HNRNPC: variants seen among roughly 807,000 people sequenced by gnomAD.
HNRNPC encodes the protein heterogeneous nuclear ribonucleoprotein C, also known as heterogeneous nuclear ribonucleoproteins C1/C2.
A neutral mutation model predicts 33.2 loss-of-function variants in HNRNPC; 3 were observed. The ratio of observed to expected loss-of-function variants is 0.09; its 90% confidence interval spans 0.04 to 0.23. The LOEUF is 0.23. HNRNPC is among the 10% of genes least tolerant of loss of function. HNRNPC has a pLI of 1.00. For missense variants in HNRNPC, 143 were observed against 366.7 expected (o/e 0.39, Z 4.98); for synonymous variants, 121 against 126.7 (o/e 0.96, Z 0.30).
chr14:21,246,137 T>C (rs1304085141), intron 2 of HNRNPC, among the ~76,000 whole-genome samples: 1 of 152,018 alleles, frequency 6.6e-6, no homozygotes, highest in Non-Finnish European at 1.5e-5. Context: ...TCCATTATAA[T>C]CTTAAGGGGC....
intron 1 of HNRNPC, among the ~76,000 whole-genome samples, 194 bp downstream of exon 1, chr14:21,269,104 G>A (rs903239166): frequency 4.6e-5 from 7 of 152,008 alleles, no homozygotes; most frequent in African/African-American, 1.2e-4. Context: ...GTGGCCTAGA[G>A]GACACCAGGT....
chr14:21,236,428 A>C (rs897572979), intron 2 of HNRNPC: 14 of 152,214 alleles, frequency 9.2e-5, no homozygotes, highest in African/African-American at 2.9e-4. Context: ...TACTCACAAT[A>C]CGGATTAATT....
intron 2 of HNRNPC, among the ~76,000 whole-genome samples, chr14:21,260,221 G>T (rs1877977216): frequency 6.8e-6 from 1 of 146,210 alleles, no homozygotes; most frequent in Non-Finnish European, 1.5e-5. Context: ...AAAAAAATTA[G>T]CCGGGCATAG....
intron 5 of HNRNPC, among the ~76,000 whole-genome samples, chr14:21,223,098 C>G (rs984110506): frequency 6.6e-6 from 1 of 151,984 alleles, no homozygotes; most frequent in Non-Finnish European, 1.5e-5. Context: ...CCCAGCTACT[C>G]CGGAAGCTGA....
chr14:21,215,898 TA>T (rs3064165), intron 5 of HNRNPC, among the ~76,000 whole-genome samples: 312 of 98,506 alleles, frequency 3.2e-3, no homozygotes, highest in African/African-American at 6.2e-3. Flanking sequence ...GACTCCGTCT[TA>T]AAAAAAAAAA....
intron 5 of HNRNPC, among the ~76,000 whole-genome samples, chr14:21,227,741 AT>A (rs1893639422): frequency 6.6e-6 from 1 of 152,164 alleles, no homozygotes; most frequent in Non-Finnish European, 1.5e-5. Context: ...CCCATTCACA[AT>A]GTGCCTTGCC....
At chr14:21,263,027 G>A (rs1243873348) in intron 2 of HNRNPC, 1 of 152,014 alleles carries the variant, frequency 6.6e-6, no homozygotes, top group Non-Finnish European at 1.5e-5. Flanking sequence ...GGTTGGGAGA[G>A]AAAAGGTTTA....
chr14:21,239,982 G>A (rs1407499409), intron 2 of HNRNPC, among the ~76,000 whole-genome samples: 1 of 152,142 alleles, frequency 6.6e-6, no homozygotes, highest in East Asian at 1.9e-4. Context: ...TTTCATTACA[G>A]GTTCTTATTC....
chr14:21,250,815 G>A (rs1896564154), intron 2 of HNRNPC, among the ~76,000 whole-genome samples: 1 of 152,198 alleles, frequency 6.6e-6, no homozygotes, highest in Admixed American at 6.5e-5. Context: ...AAAAAGGAGT[G>A]AAAAGTGTTC....
chr14:21,265,752 T>A (rs1005128281), intron 1 of HNRNPC, among the ~76,000 whole-genome samples: 3 of 152,196 alleles, frequency 2.0e-5, no homozygotes, highest in Non-Finnish European at 4.4e-5. Flanking sequence ...CACTCTAATC[T>A]GGGTGACAGT....
Position 21,248,819 on chromosome 14 carries a change from T to TAA in HNRNPC, c.-37+14490_-37+14491dup, listed in dbSNP as rs1380514191. 3.9e-5 allele frequency among the ~76,000 whole-genome samples: 6 copies of TAA among 152,346 alleles called. No homozygotes were observed. The East Asian group carries it at 1.2e-3, about 29-fold the overall frequency. Reference sequence around the variant, plus strand: ...AACGGGATCATTACATCAAAAGTTTTAAAACTGCGTGTTTTTTGACTCAGT... The same window carrying TAA: ...AACGGGATCATTACATCAAAAGTTTTAAAAAACTGCGTGTTTTTTGACTCAGT... On this transcript the variant is annotated intron_variant, in intron 2 of 8. Coordinates refer to ENST00000553300, the MANE Select transcript of HNRNPC (RefSeq NM_004500.4).
chr14:21,249,418 TACA>T (rs1896360373), intron 2 of HNRNPC, among the ~76,000 whole-genome samples: 2 of 91,012 alleles, frequency 2.2e-5, no homozygotes, highest in African/African-American at 9.5e-5. Flanking sequence ...CTACTAAAAA[TACA>T]AAAAAAAAAA....
chr14:21,230,927 C>T (rs887795857), intron 4 of HNRNPC, 70 bp downstream of exon 4: 4 of 1,559,028 alleles, frequency 2.6e-6, no homozygotes, highest in Non-Finnish European at 3.5e-6. Context: ...CTGATGGACA[C>T]AATGCAGTTA....
intron 5 of HNRNPC, among the ~76,000 whole-genome samples, chr14:21,225,952 AT>A (rs1893371898): frequency 6.6e-6 from 1 of 152,154 alleles, no homozygotes; most frequent in South Asian, 2.1e-4. Context: ...ACACTGCAGT[AT>A]TTGTGGCACA....
At chr14:21,239,109 A>G (rs1895055708) in intron 2 of HNRNPC, among the ~76,000 whole-genome samples, 1 of 151,876 alleles carries the variant, frequency 6.6e-6, no homozygotes, top group Non-Finnish European at 1.5e-5. Context: ...AGGCAACAGA[A>G]GGAGACACTG....
intron 5 of HNRNPC, 154 bp from the exon 6 acceptor site, chr14:21,213,271 G>A (rs1891814990): frequency 2.9e-6 from 2 of 695,104 alleles, no homozygotes; most frequent in Non-Finnish European, 2.3e-6. Context: ...TCCACAGTGG[G>A]GTTTAGAAAT....
intron 2 of HNRNPC, among the ~76,000 whole-genome samples, chr14:21,249,640 G>A (rs1896408701): frequency 6.9e-6 from 1 of 144,286 alleles, no homozygotes. Context: ...GGTACCTCTA[G>A]ATTCACTGAA....
chr14:21,225,214 A>T (rs1484192098), intron 5 of HNRNPC, among the ~76,000 whole-genome samples: 3 of 151,832 alleles, frequency 2.0e-5, no homozygotes, highest in African/African-American at 7.3e-5. Context: ...TGAGGTCAGG[A>T]GTTTGAGACC....
At chr14:21,217,896 A>C (rs1207733578) in intron 5 of HNRNPC, among the ~76,000 whole-genome samples, 1 of 152,196 alleles carries the variant, frequency 6.6e-6, no homozygotes, top group Non-Finnish European at 1.5e-5. Flanking sequence ...ACAAAACCAG[A>C]CATTTCATGG....
Sources: allele counts gnomAD v4.1 joint callset (sites outside exome capture counted in the v4.1 genomes callset), GRCh38; gene constraint gnomAD v4.1.1; transcripts MANE v1.5; gene names NCBI Gene and HGNC (gene_info 2026-07-23, HGNC 2026-07-21).